ABR: variants seen among roughly 807,000 people sequenced by gnomAD.
ABR encodes the protein active breakpoint cluster region-related protein.
Under a neutral mutation model 107.2 loss-of-function variants are expected in ABR, and 35 were observed. That is an observed-to-expected ratio of 0.33 (90% CI 0.25 to 0.43). The LOEUF (loss-of-function observed/expected upper bound fraction) is 0.43, where lower values mean the gene tolerates loss of function less well. Among genes scored for constraint, ABR ranks in the 20% least tolerant of loss-of-function variants. The pLI, the probability that ABR is intolerant of heterozygous loss-of-function variation, is 1.00. For synonymous variants in ABR, 498 were observed against 462.0 expected (o/e 1.08, Z -1.00); for missense variants, 815 against 1,115.2 (o/e 0.73, Z 3.83).
chr17:1,020,041 G>A (rs1292508723), intron 16 of ABR, among the ~76,000 whole-genome samples: 9 of 152,296 alleles, frequency 5.9e-5, no homozygotes, highest in South Asian at 2.1e-4. Context: ...GCCAGGGGTC[G>A]ACGACTGGGC....
intron 1 of ABR, among the ~76,000 whole-genome samples, chr17:1,136,148 A>G (rs1249471152): frequency 6.6e-6 from 1 of 152,204 alleles, no homozygotes; most frequent in Admixed American, 6.5e-5. Flanking sequence ...CTAGGATGAA[A>G]GTCCTACATA....
intron 3 of ABR, among the ~76,000 whole-genome samples, chr17:1,096,639 G>A (rs770561296): frequency 1.3e-5 from 2 of 152,188 alleles, no homozygotes; most frequent in Non-Finnish European, 2.9e-5. Context: ...CTCTGCTCAA[G>A]AAAGAGCCAA....
At chr17:1,021,339 G>A (rs563642276) in intron 16 of ABR, among the ~76,000 whole-genome samples, 4 of 152,234 alleles carry the variant, frequency 2.6e-5, no homozygotes, top group East Asian at 1.9e-4. Context: ...CACTCCCACC[G>A]CCCAGGAGCT....
chr17:1,101,818 C>A (rs1260811789), intron 2 of ABR, among the ~76,000 whole-genome samples: 2 of 151,676 alleles, frequency 1.3e-5, no homozygotes, highest in African/African-American at 4.8e-5. Flanking sequence ...ACTGCAAGCT[C>A]CGCCTCCCGG....
rs145574199 is a variant in ABR at position 1,026,031 on chromosome 17, T to C, written c.1792-12867A>G. Among the ~76,000 whole-genome samples the C allele has an allele frequency of 2.6e-3, 397 of 152,304 alleles. 1 individual carries two copies. Among genetic ancestry groups the C allele is most frequent in the Non-Finnish European group, 4.0e-3 (274 of 68,022 alleles). On this transcript the variant is annotated intron_variant, in intron 16 of 22. Transcript: ENST00000302538. ...TCCCGTGTCCACTGAATGGCTGGCA[T>C]TGGCCCAGGTGCAGCCCTGTGACAG...
intron 16 of ABR, among the ~76,000 whole-genome samples, chr17:1,044,014 G>A (rs1304419214): frequency 6.6e-6 from 1 of 152,238 alleles, no homozygotes; most frequent in Non-Finnish European, 1.5e-5. Context: ...GGGCCCCAAG[G>A]GAAAGCGCTC....
At chr17:1,013,454 G>A (rs936010656) in intron 16 of ABR, among the ~76,000 whole-genome samples, 5 of 149,712 alleles carry the variant, frequency 3.3e-5, no homozygotes, top group Non-Finnish European at 5.9e-5. Flanking sequence ...GTTACCCACC[G>A]TGGGGGAGGC....
intron 4 of ABR, among the ~76,000 whole-genome samples, chr17:1,087,739 T>G (rs11658279): frequency 0.28 from 43,049 of 151,840 alleles, 6,165 homozygotes; most frequent in Middle Eastern, 0.31. Flanking sequence ...AAGGCTCCTC[T>G]TGCCCCCTTT....
chr17:1,169,139 G>A (rs532859236), intron 1 of ABR, among the ~76,000 whole-genome samples: 8 of 152,214 alleles, frequency 5.3e-5, no homozygotes, highest in Non-Finnish European at 1.0e-4. Context: ...GTTTTGTCTA[G>A]ACAGAGGCAC....
intron 16 of ABR, among the ~76,000 whole-genome samples, chr17:1,034,362 G>A (rs551158336): frequency 3.9e-4 from 60 of 152,216 alleles, no homozygotes; most frequent in Non-Finnish European, 8.8e-5. Context: ...CTTGACAAAG[G>A]GGCAGCCAAG....
intron 10 of ABR, among the ~76,000 whole-genome samples, chr17:1,065,107 G>T (rs1267811319): frequency 1.3e-5 from 1 of 76,500 alleles, no homozygotes; most frequent in Non-Finnish European, 2.6e-5. Flanking sequence ...GCTGTTACGT[G>T]AACTGAGGGC....
upstream of ABR, among the ~76,000 whole-genome samples, chr17:1,183,881 G>A (rs751438022): frequency 4.6e-5 from 7 of 152,134 alleles, no homozygotes; most frequent in East Asian, 1.9e-4. Flanking sequence ...CCAAAAAACC[G>A]AGAGTTTGCA....
At chr17:1,191,439 C>A (rs1184853501), upstream of ABR, among the ~76,000 whole-genome samples, 1 of 147,526 alleles carries the variant, frequency 6.8e-6, no homozygotes, top group Non-Finnish European at 1.5e-5. Context: ...CTCACTGCAA[C>A]CTCCACCTCC....
intron 21 of ABR, among the ~76,000 whole-genome samples, chr17:1,008,101 G>A (rs149729175): frequency 1.3e-5 from 2 of 151,242 alleles, no homozygotes; most frequent in South Asian, 2.2e-4. Context: ...CGTCTGCCTC[G>A]TGGGACCCAG....
chr17:1,067,330 A>T, intron 9 of ABR, 88 bp from the exon 10 acceptor site: 1 of 1,242,708 alleles, frequency 8.0e-7, no homozygotes, highest in Non-Finnish European at 1.1e-6. Context: ...AGAACCACTG[A>T]CAGGGGTTGA....
intron 16 of ABR, among the ~76,000 whole-genome samples, chr17:1,042,444 G>C (rs746137643): frequency 6.6e-6 from 1 of 151,438 alleles, no homozygotes; most frequent in Non-Finnish European, 1.5e-5. Context: ...CAGATGGACA[G>C]GCGGATAAAC....
At chr17:1,192,524 C>G (rs567581549) in intron 1 of ABR, among the ~76,000 whole-genome samples, 1 of 151,822 alleles carries the variant, frequency 6.6e-6, no homozygotes, top group South Asian at 2.1e-4. Flanking sequence ...CACCTGTAAT[C>G]CCAGCATTCT....
chr17:1,027,243 C>T lies in ABR; in HGVS notation c.1792-14079G>A, dbSNP rs1222004241. Among the ~76,000 whole-genome samples, 1 of 152,172 alleles carries T rather than the reference C, an allele frequency of 6.6e-6. No individual in the cohort carries two copies. Among genetic ancestry groups the T allele is most frequent in the African/African-American group, 2.4e-5 (1 of 41,448 alleles). ...AGCTGGGGCACCGCGCCCAGCACCG[C>T]TGGCTGGCCAAGCCGTCTGTGGCCT... On this transcript the variant is annotated intron_variant, in intron 16 of 22. Coordinates refer to ENST00000302538, the MANE Select transcript of ABR (RefSeq NM_021962.5). The surrounding 1 kb of genome is among the most constrained non-coding windows in gnomAD (Gnocchi z 4.7).
chr17:1,132,587 C>T (rs2039895603), intron 1 of ABR, among the ~76,000 whole-genome samples: 2 of 151,916 alleles, frequency 1.3e-5, no homozygotes, highest in Non-Finnish European at 2.9e-5. Flanking sequence ...CCGTGTTAGC[C>T]GGGATGGTCT....
Sources: allele counts gnomAD v4.1 joint callset (sites outside exome capture counted in the v4.1 genomes callset), GRCh38; gene constraint gnomAD v4.1.1; non-coding constraint Gnocchi (gnomAD v3.1); transcripts MANE v1.5; gene names NCBI Gene and HGNC (gene_info 2026-07-23, HGNC 2026-07-21).